POTEJ: variants seen among roughly 807,000 people sequenced by gnomAD.
The protein encoded by POTEJ is POTE ankyrin domain family member J, also known as POTE ankyrin domain family, member J.
POTEJ carries 11 observed loss-of-function variants against 69.0 expected under a neutral mutation model. The observed-to-expected ratio is 0.16, with a 90% CI of 0.10 to 0.26. POTEJ has a LOEUF of 0.26. Among genes scored for constraint, POTEJ ranks in the 10% least tolerant of loss-of-function variants. The pLI is 1.00. For synonymous variants in POTEJ, 117 were observed against 381.1 expected (o/e 0.31, Z 8.07); for missense variants, 327 against 1,045.5 (o/e 0.31, Z 9.48).
At chr2:130,612,125 A>T (rs1685232624) in intron 1 of POTEJ, among the ~76,000 whole-genome samples, 183 bp downstream of exon 1, 1 of 151,758 alleles carries the variant, frequency 6.6e-6, no homozygotes, top group Non-Finnish European at 1.5e-5. Context: ...CACAAAAAAA[A>T]CTTTAGCTGA....
At chr2:130,650,140 C>T (rs1470832553) in intron 13 of POTEJ, among the ~76,000 whole-genome samples, 2 of 152,274 alleles carry the variant, frequency 1.3e-5, no homozygotes, top group African/African-American at 4.8e-5. Context: ...TTCAATGAAA[C>T]AAAGTGATTT....
intron 1 of POTEJ, among the ~76,000 whole-genome samples, chr2:130,612,754 T>C (rs1451194246): frequency 7.4e-6 from 1 of 134,854 alleles, no homozygotes. Context: ...CAGAGCGAGA[T>C]TCCGTCTCAA....
At chr2:130,648,093 G>T (rs1365186549) in intron 13 of POTEJ, among the ~76,000 whole-genome samples, 1 of 147,594 alleles carries the variant, frequency 6.8e-6, no homozygotes, top group African/African-American at 2.5e-5. Context: ...CCTAGAATTG[G>T]CTGATTTTTA....
rs772585159 is a variant in POTEJ at position 130,656,885 on chromosome 2, G to A, written c.2125G>A (p.Gly709Ser). Residue 709 changes from glycine (G) to serine (S), a missense_variant, in exon 15 of 15, where the codon GGC becomes AGC. Physicochemically the swap from Gly to Ser is moderately conservative, Grantham distance 56 (BLOSUM62 0). Transcript: ENST00000409602. Reference protein sequence around the residue: ...GCPRQQGMMGGMHQKESYVGK... With the variant: ...GCPRQQGMMGSMHQKESYVGK... ...CCCCAGGCAGCAGGGCATGATGGGG[G>A]GCATGCATCAGAAAGAGTCCTATGT... 1.2e-6 allele frequency: 2 copies of A among 1,600,178 alleles called. No homozygotes were observed. The highest frequency in any genetic ancestry group is 1.1e-5 in the South Asian group (1 of 90,836).
intron 6 of POTEJ, among the ~76,000 whole-genome samples, chr2:130,624,835 G>T (rs1354424296): frequency 1.3e-5 from 2 of 152,098 alleles, no homozygotes; most frequent in Non-Finnish European, 2.9e-5. Flanking sequence ...TTTGAAGTTG[G>T]AAAGAGATAT....
At chr2:130,651,554 C>T (rs1275566229) in intron 13 of POTEJ, among the ~76,000 whole-genome samples, 3 of 124,400 alleles carry the variant, frequency 2.4e-5, no homozygotes, top group African/African-American at 6.3e-5. Context: ...TTTTTTGATA[C>T]ATCATCTTAA....
rs552430824 is a variant in POTEJ at position 130,637,897 on chromosome 2, G to A, written c.1299-722G>A. Reference sequence around the variant, plus strand: ...ACATCCATTGGTTTTTCTGCCCTTGGCGTGATTCATCAACTCCGTAATAGT... The same window carrying A: ...ACATCCATTGGTTTTTCTGCCCTTGACGTGATTCATCAACTCCGTAATAGT... On this transcript the variant is annotated intron_variant, in intron 9 of 14. Coordinates refer to ENST00000409602, the MANE Select transcript of POTEJ (RefSeq NM_001277083.2). Among the ~76,000 whole-genome samples the A allele has an allele frequency of 3.4e-5, 5 of 145,988 alleles. 1 individual carries two copies. The highest frequency in any genetic ancestry group is 6.0e-5 in the Non-Finnish European group (4 of 66,554).
At chr2:130,640,136 CAGA>C in intron 10 of POTEJ, among the ~76,000 whole-genome samples, 1 of 148,578 alleles carries the variant, frequency 6.7e-6, no homozygotes, top group African/African-American at 2.5e-5. Context: ...GGGAAAGAAG[CAGA>C]AGAATGACAT....
intron 6 of POTEJ, among the ~76,000 whole-genome samples, chr2:130,624,759 G>A (rs1449917942): frequency 9.9e-5 from 15 of 152,016 alleles, no homozygotes; most frequent in Non-Finnish European, 2.1e-4. Context: ...GAACACTGAA[G>A]CACAAGTCAT....
intron 9 of POTEJ, among the ~76,000 whole-genome samples, chr2:130,634,889 T>C (rs1481793257): frequency 2.8e-4 from 43 of 152,314 alleles, no homozygotes; most frequent in Admixed American, 1.0e-3. Flanking sequence ...TCCTCCAACA[T>C]TGTTTTTCCT....
At chr2:130,625,732 TTGCTAGTACCAAAAG>T (rs1166037882) in intron 6 of POTEJ, among the ~76,000 whole-genome samples, 1 of 142,242 alleles carries the variant, frequency 7.0e-6, no homozygotes, top group Non-Finnish European at 1.5e-5. Flanking sequence ...CAGTTCACTT[TTGCTAGTACCAAAAG>T]TGTGAGATAC....
intron 13 of POTEJ, among the ~76,000 whole-genome samples, chr2:130,648,223 G>T (rs1333301359): frequency 2.7e-5 from 4 of 145,810 alleles, no homozygotes; most frequent in Non-Finnish European, 4.5e-5. Context: ...TTAAAACCTT[G>T]GTCTGACATT....
intron 4 of POTEJ, among the ~76,000 whole-genome samples, chr2:130,620,373 G>A (rs1384098262): frequency 3.0e-4 from 41 of 137,238 alleles, no homozygotes; most frequent in African/African-American, 1.1e-3. Context: ...GTTATGTGAC[G>A]TTTTTGGTTA....
chr2:130,649,770 TCC>T (rs967564948), intron 13 of POTEJ, among the ~76,000 whole-genome samples: 7 of 135,088 alleles, frequency 5.2e-5, no homozygotes, highest in African/African-American at 2.0e-4. Context: ...TCCTTACCTA[TCC>T]CTTAGTGCTT....
chr2:130,639,673 TC>T (rs1398535163), intron 10 of POTEJ, among the ~76,000 whole-genome samples: 70 of 152,248 alleles, frequency 4.6e-4, no homozygotes, highest in African/African-American at 1.6e-3. Context: ...TACCTATTTA[TC>T]AAAGAGCTTC....
At chr2:130,639,033 A>G (rs1305579976) in intron 10 of POTEJ, among the ~76,000 whole-genome samples, 1 of 152,280 alleles carries the variant, frequency 6.6e-6, no homozygotes, top group African/African-American at 2.4e-5. Flanking sequence ...TCAGATGGGC[A>G]GTTCACAACA....
rs543897688 is a variant in POTEJ, at chr2:130,656,834, G to A, written c.2074G>A (p.Ala692Thr). 2 of 1,600,392 alleles carry A rather than the reference G, an allele frequency of 1.2e-6. No individual in the cohort carries two copies. Among genetic ancestry groups the A allele is most frequent in the Non-Finnish European group, 1.7e-6 (2 of 1,173,210 alleles). The change falls in exon 15 of 15, where the codon GCT becomes ACT. Residue 692 changes from alanine (A) to threonine (T), a missense_variant. Ala to Thr is a moderately conservative substitution (Grantham distance 58). Transcript: ENST00000409602. Reference protein sequence around the residue: ...AGFAGDDAPRAVFPSIVGCPR... With the variant: ...AGFAGDDAPRTVFPSIVGCPR... ...CTTTGCGGGCGACGATGCCCCCCGGGCTGTCTTCCCTTCCATCGTGGGGTG... is the reference window on the plus strand; with the variant it reads ...CTTTGCGGGCGACGATGCCCCCCGGACTGTCTTCCCTTCCATCGTGGGGTG...
chr2:130,654,345 G>A (rs1288017291), intron 13 of POTEJ, among the ~76,000 whole-genome samples: 1 of 140,386 alleles, frequency 7.1e-6, no homozygotes, highest in Non-Finnish European at 1.5e-5. Context: ...AGGCAGGTGA[G>A]CAAGTGAAGC....
chr2:130,640,861 A>G (rs1164386937), intron 10 of POTEJ, among the ~76,000 whole-genome samples: 3 of 152,210 alleles, frequency 2.0e-5, no homozygotes, highest in Admixed American at 6.5e-5. Flanking sequence ...GCCAGAAAGA[A>G]TGAGGAATGG....
Sources: gnomAD v4.1 joint callset for allele counts (sites outside exome capture counted in the v4.1 genomes callset) on GRCh38, gnomAD v4.1.1 for gene constraint, MANE v1.5 for transcripts, NCBI Gene and HGNC (gene_info 2026-07-23, HGNC 2026-07-21) for gene names.